ST6GAL1: variants seen among roughly 807,000 people sequenced by gnomAD.
ST6GAL1 encodes the protein ST6 beta-galactoside alpha-2,6-sialyltransferase 1, also known as beta-galactoside alpha-2,6-sialyltransferase 1.
A neutral mutation model predicts 38.0 loss-of-function variants in ST6GAL1; 20 were observed. The observed-to-expected ratio is 0.53, with a 90% CI of 0.37 to 0.77. ST6GAL1 has a LOEUF of 0.77. Ranked by LOEUF, ST6GAL1 falls within the 30% of genes least tolerant of loss-of-function variation. ST6GAL1 has a pLI of 0.00. For synonymous variants in ST6GAL1, 196 were observed against 188.2 expected (o/e 1.04, Z -0.34); for missense variants, 432 against 496.4 (o/e 0.87, Z 1.23).
chr3:186,994,922 A>T (rs1322563210), intron 2 of ST6GAL1, among the ~76,000 whole-genome samples: 1 of 151,242 alleles, frequency 6.6e-6, no homozygotes, highest in African/African-American at 2.4e-5. Context: ...CAGCCTGAGC[A>T]GCAGAGTGAG....
At chr3:186,978,807 T>A (rs1041416905) in intron 2 of ST6GAL1, among the ~76,000 whole-genome samples, 1 of 152,040 alleles carries the variant, frequency 6.6e-6, no homozygotes, top group Non-Finnish European at 1.5e-5. Flanking sequence ...GCAGCCCTTA[T>A]ACCCTGTCCC....
intron 2 of ST6GAL1, among the ~76,000 whole-genome samples, chr3:187,027,688 A>G (rs1352805789): frequency 6.6e-6 from 1 of 152,160 alleles, no homozygotes; most frequent in Admixed American, 6.5e-5. Context: ...TTCCGGACTC[A>G]GTGCACTTCA....
chr3:186,995,207 C>T lies in ST6GAL1; in HGVS notation c.-183+31281C>T, dbSNP rs577011905. 2.6e-5 allele frequency among the ~76,000 whole-genome samples: 4 copies of T among 152,014 alleles called. No individual in the cohort carries two copies. In the South Asian group the frequency reaches 8.3e-4, roughly 32 times the overall value. ...ATCCAAGTGCAATAGATTGATAAGA[C>T]CTTTAAGATTGTTAAAATGGGCCAG... is the stretch of plus-strand genomic sequence containing the variant. On this transcript the variant is annotated intron_variant, in intron 2 of 7. Coordinates refer to ENST00000169298, the MANE Select transcript of ST6GAL1 (RefSeq NM_173216.2).
intron 5 of ST6GAL1, among the ~76,000 whole-genome samples, chr3:187,070,325 T>C (rs1301790333): frequency 6.6e-6 from 1 of 151,720 alleles, no homozygotes; most frequent in African/African-American, 2.4e-5. Context: ...CACTCACACA[T>C]TCAGGGGTTT....
Position 187,075,744 on chromosome 3 carries a change from G to A in ST6GAL1, c.1162G>A (p.Glu388Lys), listed in dbSNP as rs775836421. 3 of 1,614,232 alleles carry A rather than the reference G, an allele frequency of 1.9e-6. No individual in the cohort carries two copies. Among genetic ancestry groups the A allele is most frequent in the South Asian group, 2.2e-5 (2 of 91,088 alleles). ...LVKHLNQGTDEDIYLLGKATL... is the reference protein window; with the variant it reads ...LVKHLNQGTDKDIYLLGKATL... ...GAAGCATCTCAACCAGGGCACAGAT[G>A]AGGACATCTACCTGCTTGGAAAAGC... The change falls in exon 8 of 8, where the codon GAG becomes AAG. Residue 388 changes from glutamate to lysine, a missense_variant. By Grantham distance (56) the Glu-to-Lys change is moderately conservative. Transcript: ENST00000169298. This position sits in a 1 kb window ranked among gnomAD's most constrained non-coding sequence, Gnocchi z 4.1.
intron 5 of ST6GAL1, among the ~76,000 whole-genome samples, chr3:187,069,359 T>C (rs1026371713): frequency 6.6e-6 from 1 of 152,220 alleles, no homozygotes; most frequent in African/African-American, 2.4e-5. Context: ...GGTCTTGAAC[T>C]CCTGACCTCA....
intron 5 of ST6GAL1, 49 bp from the exon 6 acceptor site, chr3:187,072,800 C>T (rs895610363): frequency 3.3e-6 from 5 of 1,517,060 alleles, no homozygotes; most frequent in African/African-American, 1.4e-5. Flanking sequence ...TCATGTCAAA[C>T]ATTTGCATAT....
At chr3:187,015,385 A>G (rs1052041273) in intron 2 of ST6GAL1, among the ~76,000 whole-genome samples, 2 of 152,222 alleles carry the variant, frequency 1.3e-5, no homozygotes, top group South Asian at 2.1e-4. Context: ...GGAGGATTCA[A>G]TGAGATAAAA....
chr3:186,963,351 A>G (rs1714994871), intron 1 of ST6GAL1, among the ~76,000 whole-genome samples: 1 of 152,170 alleles, frequency 6.6e-6, no homozygotes, highest in South Asian at 2.1e-4. Context: ...CAGCCTCCCA[A>G]GTAGCTGGGG....
At chr3:187,022,885 T>G (rs2108566494) in intron 2 of ST6GAL1, among the ~76,000 whole-genome samples, 1 of 152,348 alleles carries the variant, frequency 6.6e-6, no homozygotes. Context: ...GACTGTATTG[T>G]TTCTAGGGTA....
Position 187,074,310 on chromosome 3 carries a change from AC to A in ST6GAL1, c.962del (p.Pro321HisfsTer11), listed in dbSNP as rs1203976147. ...QEISPEEIQP[N>X]PPSSGMLGII... ...ATCTCCCCAGAAGAGATTCAGCCAA[AC>A]CCCCCATCCTCTGGGATGCTTGGTG... On this transcript the variant is annotated frameshift_variant, in exon 7 of 8. Transcript: ENST00000169298. LOFTEE classifies it high-confidence loss of function. The A allele has an allele frequency of 1.9e-6, 3 of 1,596,412 alleles. No homozygotes were observed. Among genetic ancestry groups the A allele is most frequent in the South Asian group, 1.2e-5 (1 of 86,528 alleles).
intron 2 of ST6GAL1, among the ~76,000 whole-genome samples, chr3:186,984,685 C>T (rs190863695): frequency 6.6e-6 from 1 of 151,956 alleles, no homozygotes; most frequent in African/African-American, 2.4e-5. Context: ...CCTACCTCAA[C>T]CCAGTACTTC....
chr3:187,071,258 G>A (rs558368264), intron 5 of ST6GAL1, among the ~76,000 whole-genome samples: 2 of 152,124 alleles, frequency 1.3e-5, no homozygotes, highest in African/African-American at 2.4e-5. Flanking sequence ...ATCATCTCCC[G>A]CCTGCTTTTT....
chr3:187,043,703 T>C (rs1718206112), intron 4 of ST6GAL1: 1 of 153,654 alleles, frequency 6.5e-6, no homozygotes, highest in African/African-American at 2.4e-5. Context: ...GTTTTAAATA[T>C]TGGAATTGTG....
At chr3:186,978,247 A>G in intron 2 of ST6GAL1, among the ~76,000 whole-genome samples, 1 of 152,108 alleles carries the variant, frequency 6.6e-6, no homozygotes, top group East Asian at 1.9e-4. Context: ...AAACAGTCTC[A>G]GAGAGGTTAA....
chr3:187,015,471 G>A (rs1717085253), intron 2 of ST6GAL1, among the ~76,000 whole-genome samples: 1 of 152,144 alleles, frequency 6.6e-6, no homozygotes, highest in Admixed American at 6.6e-5. Context: ...TGAAATTCCA[G>A]GGTTAGGTGG....
intron 2 of ST6GAL1, among the ~76,000 whole-genome samples, chr3:187,035,572 CA>C (rs1717902315): frequency 6.6e-6 from 1 of 152,122 alleles, no homozygotes; most frequent in African/African-American, 2.4e-5. Context: ...ACTAATGGAG[CA>C]GAATAGTGAA....
chr3:187,062,283 A>G (rs1017415821), intron 5 of ST6GAL1, among the ~76,000 whole-genome samples: 4 of 152,168 alleles, frequency 2.6e-5, no homozygotes, highest in Non-Finnish European at 4.4e-5. Context: ...CAGTGCCTCA[A>G]AAACTTAAAA....
In ST6GAL1 at chr3:187,076,582, G is replaced by C. The variant is rs1719569237; in HGVS notation, c.*779G>C. The C allele has an allele frequency of 5.5e-6, 2 of 361,404 alleles. No homozygotes were observed. The highest frequency in any genetic ancestry group is 7.1e-4 in the Middle Eastern group (1 of 1,410). The allele number at this position is 361,404 out of a possible 1,614,324, so 22.4% of individuals were successfully genotyped here. A position where few individuals can be genotyped will look rare whatever the true frequency, so the allele number is the denominator to read the frequency against. The stretch of plus-strand genomic sequence containing the variant: ...GGAGAGAGATGGGCTTGCTCTCTCT[G>C]TGCACCCAGGAGGGCCACGCACTTA... On this transcript the variant is annotated 3_prime_UTR_variant, in exon 8 of 8. Transcript: ENST00000169298.
Sources: allele counts gnomAD v4.1 joint callset (sites outside exome capture counted in the v4.1 genomes callset), GRCh38; gene constraint gnomAD v4.1.1; non-coding constraint Gnocchi (gnomAD v3.1); transcripts MANE v1.5; gene names NCBI Gene and HGNC (gene_info 2026-07-23, HGNC 2026-07-21).